Variants in STX8 observed in about 807,000 individuals in gnomAD.
STX8 encodes the protein syntaxin-8.
STX8 carries 23 observed loss-of-function variants against 37.5 expected under a neutral mutation model. That is an observed-to-expected ratio of 0.61 (90% CI 0.44 to 0.87). STX8 has a LOEUF of 0.87. STX8 is among the 40% of genes least tolerant of loss of function. The probability of loss-of-function intolerance (pLI) is 0.00; values close to 1 mark genes in which losing one functional copy is unlikely to be tolerated. For missense variants in STX8, 313 were observed against 284.7 expected (o/e 1.10, Z -0.71); for synonymous variants, 115 against 99.1 (o/e 1.16, Z -0.95).
intron 4 of STX8, among the ~76,000 whole-genome samples, chr17:9,514,458 AG>A (rs1905111191): frequency 6.6e-6 from 1 of 152,042 alleles, no homozygotes; most frequent in Non-Finnish European, 1.5e-5. Context: ...CACAAAAATT[AG>A]CTAGGCATGG....
chr17:9,437,637 GT>G (rs1327602830), intron 6 of STX8, among the ~76,000 whole-genome samples: 2 of 152,128 alleles, frequency 1.3e-5, no homozygotes, highest in Admixed American at 1.3e-4. Context: ...TGGTACAAAC[GT>G]AAACCAGCAG....
At chr17:9,290,266 C>G (rs1597586615) in intron 7 of STX8, among the ~76,000 whole-genome samples, 1 of 152,088 alleles carries the variant, frequency 6.6e-6, no homozygotes, top group Middle Eastern at 3.4e-3. Flanking sequence ...TAAATTATGC[C>G]ATTATTTTGA....
intron 7 of STX8, among the ~76,000 whole-genome samples, chr17:9,357,576 G>C (rs886831840): frequency 2.0e-5 from 3 of 151,960 alleles, no homozygotes; most frequent in African/African-American, 7.2e-5. Flanking sequence ...TGCACCTGTA[G>C]TCCCAGCTAC....
At chr17:9,258,165 A>G (rs886977335) in intron 7 of STX8, among the ~76,000 whole-genome samples, 3 of 152,180 alleles carry the variant, frequency 2.0e-5, no homozygotes, top group Non-Finnish European at 2.9e-5. Flanking sequence ...GTGCCTGTCA[A>G]TAGGTGACAT....
At chr17:9,476,336 G>A (rs1906102464) in intron 6 of STX8, among the ~76,000 whole-genome samples, 1 of 152,144 alleles carries the variant, frequency 6.6e-6, no homozygotes, top group Non-Finnish European at 1.5e-5. Context: ...GTTTGTAAAG[G>A]TTGCCATAAC....
intron 4 of STX8, among the ~76,000 whole-genome samples, chr17:9,515,090 C>T (rs912104412): frequency 6.6e-5 from 10 of 152,148 alleles, no homozygotes; most frequent in African/African-American, 1.9e-4. Context: ...TCCACCCATA[C>T]AAAGCATAGA....
At chr17:9,563,485 G>A (rs78451690) in intron 2 of STX8, among the ~76,000 whole-genome samples, 9,002 of 151,940 alleles carry the variant, frequency 0.059, 406 homozygotes, top group African/African-American at 0.13. Context: ...CGCCTGGCCC[G>A]AAAGAGTATC....
intron 7 of STX8, among the ~76,000 whole-genome samples, chr17:9,301,549 C>A (rs1908784261): frequency 6.6e-6 from 1 of 151,820 alleles, no homozygotes; most frequent in South Asian, 2.1e-4. Context: ...GTGGCGCGAT[C>A]TCGGCTCACT....
rs79631401 is a variant in STX8, at chr17:9,353,191, A to G, written c.643+25361T>C. Among the ~76,000 whole-genome samples the G allele has an allele frequency of 3.8e-3, 571 of 152,228 alleles. 6 individuals are homozygous for G. Among genetic ancestry groups the G allele is most frequent in the African/African-American group, 0.013 (549 of 41,546 alleles). On this transcript the variant is annotated intron_variant, in intron 7 of 7. Transcript: ENST00000306357. ...TGGGATTACAGGCATGACTGCCCCAAATGTGACCTGTGGGAGTCCCTATAA... is the reference window on the plus strand; with the variant it reads ...TGGGATTACAGGCATGACTGCCCCAGATGTGACCTGTGGGAGTCCCTATAA...
chr17:9,561,961 T>C (rs1004376414), intron 2 of STX8, among the ~76,000 whole-genome samples: 5 of 152,118 alleles, frequency 3.3e-5, no homozygotes, highest in African/African-American at 9.7e-5. Flanking sequence ...ACTAGTTAAA[T>C]AGATAGCAGC....
At chr17:9,527,096 G>A (rs370503804) in intron 4 of STX8, among the ~76,000 whole-genome samples, 2 of 140,272 alleles carry the variant, frequency 1.4e-5, no homozygotes, top group East Asian at 2.1e-4. Context: ...GGAGAATGGC[G>A]TGAACCCGGG....
intron 7 of STX8, among the ~76,000 whole-genome samples, chr17:9,362,259 G>C (rs2142260959): frequency 6.6e-6 from 1 of 152,334 alleles, no homozygotes; most frequent in South Asian, 2.1e-4. Context: ...GAACCAGGGA[G>C]GCGGAGGTTG....
At chr17:9,450,659 T>C (rs1186661599) in intron 6 of STX8, among the ~76,000 whole-genome samples, 1 of 150,060 alleles carries the variant, frequency 6.7e-6, no homozygotes, top group Non-Finnish European at 1.5e-5. Context: ...TGATGATTTG[T>C]TTTATTTTAT....
At chr17:9,388,562 G>A (rs1219523817) in intron 6 of STX8, among the ~76,000 whole-genome samples, 1 of 151,370 alleles carries the variant, frequency 6.6e-6, no homozygotes, top group African/African-American at 2.4e-5. Context: ...CCAGCACTTT[G>A]GGAGGCCGAG....
chr17:9,541,859 A>G (rs867473390), intron 4 of STX8, among the ~76,000 whole-genome samples: 1 of 152,212 alleles, frequency 6.6e-6, no homozygotes, highest in Non-Finnish European at 1.5e-5. Flanking sequence ...TATAGGTCTC[A>G]TGACTAGTAC....
chr17:9,497,703 T>G (rs557181645), intron 5 of STX8, among the ~76,000 whole-genome samples: 6 of 152,310 alleles, frequency 3.9e-5, no homozygotes, highest in Non-Finnish European at 7.4e-5. Context: ...CTGGATTGAG[T>G]ACAAGATCCA....
chr17:9,530,976 A>C (rs1218670055), intron 4 of STX8, among the ~76,000 whole-genome samples: 7 of 152,168 alleles, frequency 4.6e-5, no homozygotes. Flanking sequence ...ATCCTTTTGG[A>C]ATTATTTCTT....
chr17:9,379,837 G>A (rs558090561), intron 6 of STX8, among the ~76,000 whole-genome samples: 19 of 152,100 alleles, frequency 1.2e-4, no homozygotes, highest in Admixed American at 3.9e-4. Context: ...TCATGGTGGC[G>A]CATGCCTGTA....
chr17:9,280,943 T>C (rs1345363268), intron 7 of STX8, among the ~76,000 whole-genome samples: 2 of 152,176 alleles, frequency 1.3e-5, no homozygotes, highest in African/African-American at 4.8e-5. Context: ...AGATGTTGGA[T>C]GCAGAGTTGT....
Sources: allele counts gnomAD v4.1 joint callset (sites outside exome capture counted in the v4.1 genomes callset), GRCh38; gene constraint gnomAD v4.1.1; transcripts MANE v1.5; gene names NCBI Gene and HGNC (gene_info 2026-07-23, HGNC 2026-07-21).